Variants in PTPRT observed in about 807,000 individuals in gnomAD.
PTPRT encodes protein tyrosine phosphatase receptor type T.
Under a neutral mutation model 176.8 loss-of-function variants are expected in PTPRT, and 56 were observed. The ratio of observed to expected loss-of-function variants is 0.32; its 90% CI spans 0.26 to 0.40. The LOEUF is 0.40. Among genes scored for constraint, PTPRT ranks in the 10% least tolerant of loss-of-function variants. PTPRT has a pLI of 1.00. For synonymous variants in PTPRT, 783 were observed against 739.0 expected (o/e 1.06, Z -0.96); for missense variants, 1,540 against 1,908.2 (o/e 0.81, Z 3.60).
At chr20:42,357,482 C>T (rs771433644) in intron 9 of PTPRT, among the ~76,000 whole-genome samples, 12 of 152,170 alleles carry the variant, frequency 7.9e-5, no homozygotes, top group South Asian at 2.1e-4. Flanking sequence ...CTCTGAGCCT[C>T]GAGTTCTTCA....
intron 27 of PTPRT, among the ~76,000 whole-genome samples, chr20:42,096,769 T>TCGTAGAGACAGGG (rs1985293454): frequency 1.3e-5 from 2 of 148,690 alleles, no homozygotes; most frequent in Non-Finnish European, 3.0e-5. Flanking sequence ...TTTTTTTTTT[T>TCGTAGAGACAGGG]TTTTTTTTTT....
intron 2 of PTPRT, among the ~76,000 whole-genome samples, chr20:42,810,446 C>G (rs1265281094): frequency 6.6e-6 from 1 of 152,210 alleles, no homozygotes; most frequent in Non-Finnish European, 1.5e-5. Context: ...TCTATTGAAT[C>G]TGAATCAGCT....
At chr20:42,336,677 A>G (rs2058044533) in intron 11 of PTPRT, among the ~76,000 whole-genome samples, 1 of 152,092 alleles carries the variant, frequency 6.6e-6, no homozygotes, top group Admixed American at 6.5e-5. Context: ...AAAAACATGA[A>G]TAAATTTGTG....
At chr20:43,128,900 C>A (rs2013547607) in intron 1 of PTPRT, among the ~76,000 whole-genome samples, 1 of 152,192 alleles carries the variant, frequency 6.6e-6, no homozygotes, top group African/African-American at 2.4e-5. Flanking sequence ...ATACCTATCA[C>A]CCTTCATCAC....
chr20:42,446,580 A>ATG (rs372328206), intron 9 of PTPRT, among the ~76,000 whole-genome samples: 8,298 of 139,394 alleles, frequency 0.06, 346 homozygotes, highest in African/African-American at 0.12. Context: ...TTTCATGTAA[A>ATG]TGTGTGTGTG....
intron 13 of PTPRT, among the ~76,000 whole-genome samples, chr20:42,269,316 T>C (rs867787077): frequency 6.6e-6 from 1 of 152,208 alleles, no homozygotes; most frequent in Admixed American, 6.5e-5. Flanking sequence ...GTGAAGGTAC[T>C]GGATGCCCAG....
At chr20:42,741,304 T>C (rs2076606320) in intron 6 of PTPRT, among the ~76,000 whole-genome samples, 1 of 152,168 alleles carries the variant, frequency 6.6e-6, no homozygotes, top group Admixed American at 6.5e-5. Context: ...TGAGCCCTTT[T>C]GTGCAAAAGC....
chr20:43,000,891 C>T (rs1165872435), intron 1 of PTPRT, among the ~76,000 whole-genome samples: 1 of 152,128 alleles, frequency 6.6e-6, no homozygotes, highest in Non-Finnish European at 1.5e-5. Context: ...GAAAAGCAAC[C>T]AATATGGAGA....
In PTPRT at chr20:42,717,717, C is replaced by T. The variant is rs2076246215; in HGVS notation, c.859+38745G>A. Among the ~76,000 whole-genome samples, 3 of 151,792 alleles carry T rather than the reference C, an allele frequency of 2.0e-5. No homozygotes were observed. The South Asian group carries it at 6.2e-4, about 32-fold the overall frequency. ...AGATGCCATTAATTAAGTGAAAAGG[C>T]AAGCTACAGAAAGAAAAAGGATATT... On this transcript the variant is annotated intron_variant, in intron 6 of 30. Coordinates refer to ENST00000373187, the MANE Select transcript of PTPRT (RefSeq NM_007050.6).
intron 7 of PTPRT, among the ~76,000 whole-genome samples, chr20:42,658,696 C>G (rs1198732538): frequency 1.3e-5 from 2 of 152,142 alleles, no homozygotes; most frequent in Admixed American, 6.6e-5. Flanking sequence ...AATATGAAAT[C>G]TGCAAATAAT....
chr20:42,270,375 C>T (rs768226378), intron 13 of PTPRT: 25 of 1,514,958 alleles, frequency 1.7e-5, no homozygotes, highest in African/African-American at 4.1e-5. Flanking sequence ...CCCTCCCACC[C>T]GCCCAGGGCT....
chr20:42,101,250 G>C (rs953641333), intron 26 of PTPRT, among the ~76,000 whole-genome samples: 6 of 152,220 alleles, frequency 3.9e-5, no homozygotes, highest in Admixed American at 1.3e-4. Flanking sequence ...ATGAATTCCA[G>C]AGTGTGACCC....
intron 7 of PTPRT, among the ~76,000 whole-genome samples, chr20:42,605,034 G>A (rs1299143849): frequency 6.6e-6 from 1 of 152,192 alleles, no homozygotes; most frequent in Non-Finnish European, 1.5e-5. Context: ...AAGCATCTCA[G>A]AGTCTCTGTC....
At chr20:42,228,174 G>A (rs1407898210) in intron 15 of PTPRT, among the ~76,000 whole-genome samples, 1 of 152,126 alleles carries the variant, frequency 6.6e-6, no homozygotes, top group East Asian at 1.9e-4. Flanking sequence ...TGCCATTAAA[G>A]GTACATTTTA....
At chr20:43,021,106 A>T (rs1985657399) in intron 1 of PTPRT, among the ~76,000 whole-genome samples, 1 of 152,204 alleles carries the variant, frequency 6.6e-6, no homozygotes, top group Non-Finnish European at 1.5e-5. Context: ...TATCATGTGT[A>T]TCCTCCCTAA....
chr20:42,602,165 C>T (rs745709852), intron 7 of PTPRT, among the ~76,000 whole-genome samples: 1 of 152,178 alleles, frequency 6.6e-6, no homozygotes, highest in Non-Finnish European at 1.5e-5. Flanking sequence ...GCTTTTCCCA[C>T]AACTCTGGGC....
At chr20:42,555,371 G>A (rs780520651) in intron 7 of PTPRT, among the ~76,000 whole-genome samples, 5 of 152,130 alleles carry the variant, frequency 3.3e-5, no homozygotes, top group Non-Finnish European at 5.9e-5. Context: ...GTCTAGGGCG[G>A]CCAGGTGCAG....
chr20:42,085,798 A>G lies in PTPRT; in HGVS notation c.3902T>C (p.Val1301Ala). 1 of 1,613,826 alleles carries G rather than the reference A, an allele frequency of 6.2e-7. No individual in the cohort carries two copies. Among genetic ancestry groups the G allele is most frequent in the Non-Finnish European group, 8.5e-7 (1 of 1,179,780 alleles). The change falls in exon 28 of 31, where the codon GTG becomes GCG. Residue 1301 changes from valine (V) to alanine (A), a missense_variant. Physicochemically the swap from Val to Ala is moderately conservative, Grantham distance 64. Transcript: ENST00000373187. ...GTCGATGTCTGCGGAGACGAACTCC[A>G]CCTGGATGGGCCCATAGCACCCGGA... ...KTSGCYGPIQ[V>A]EFVSADIDED...
chr20:42,857,344 A>G (rs2078582201), intron 2 of PTPRT, among the ~76,000 whole-genome samples: 1 of 152,176 alleles, frequency 6.6e-6, no homozygotes, highest in Non-Finnish European at 1.5e-5. Context: ...TACTGTAATG[A>G]GTAAGTCCTA....
Sources: allele counts gnomAD v4.1 joint callset (sites outside exome capture counted in the v4.1 genomes callset), GRCh38; gene constraint gnomAD v4.1.1; transcripts MANE v1.5; gene names NCBI Gene and HGNC (gene_info 2026-07-23, HGNC 2026-07-21).